The following B3GLCT variants were observed in gnomAD, a reference collection of about 807,000 sequenced individuals.
B3GLCT encodes the protein beta-1,3-glucosyltransferase.
A neutral mutation model predicts 63.4 loss-of-function variants in B3GLCT; 65 were observed. The observed-to-expected ratio is 1.03, with a 90% CI of 0.84 to 1.26. The LOEUF is 1.26. Ranked by LOEUF, B3GLCT falls within the 50% of genes most tolerant of loss-of-function variation. The pLI, the probability that B3GLCT is intolerant of heterozygous loss-of-function variation, is 0.00. For synonymous variants in B3GLCT, 233 were observed against 219.2 expected (o/e 1.06, Z -0.55); for missense variants, 577 against 604.8 (o/e 0.95, Z 0.48).
chr13:31,251,084 G>A (rs945711325), intron 6 of B3GLCT, among the ~76,000 whole-genome samples: 4 of 152,160 alleles, frequency 2.6e-5, no homozygotes, highest in African/African-American at 7.2e-5. Context: ...GATCTGGAAC[G>A]GATCTCCAGC....
chr13:31,236,076 C>G (rs752712799), intron 4 of B3GLCT, among the ~76,000 whole-genome samples: 2 of 152,194 alleles, frequency 1.3e-5, no homozygotes, highest in East Asian at 1.9e-4. Flanking sequence ...GTATGCACCC[C>G]CAAGGTGTAC....
chr13:31,211,469 T>C (rs1383875702), intron 1 of B3GLCT, among the ~76,000 whole-genome samples: 2 of 152,244 alleles, frequency 1.3e-5, no homozygotes, highest in Non-Finnish European at 2.9e-5. Context: ...CAACTGAAAG[T>C]AACTCTGATG....
Position 31,256,005 on chromosome 13 carries a change from G to A in B3GLCT, c.460-4941G>A, listed in dbSNP as rs187341277. On this transcript the variant is annotated intron_variant, in intron 6 of 14. Coordinates refer to ENST00000343307, the MANE Select transcript of B3GLCT (RefSeq NM_194318.4). Reference sequence around the variant, plus strand: ...AAGAAACTATCATCAGACCAAACATGCAACCTACAGAATGGGAGAAAATTT... The same window carrying A: ...AAGAAACTATCATCAGACCAAACATACAACCTACAGAATGGGAGAAAATTT... 2.2e-3 allele frequency among the ~76,000 whole-genome samples: 329 copies of A among 152,278 alleles called. 2 individuals are homozygous for A. The highest frequency in any genetic ancestry group is 7.6e-3 in the African/African-American group (315 of 41,566).
intron 4 of B3GLCT, among the ~76,000 whole-genome samples, chr13:31,235,092 G>A (rs1870581419): frequency 6.6e-6 from 1 of 152,068 alleles, no homozygotes. Flanking sequence ...CTGGCTGGGG[G>A]TGGCGTAGGG....
intron 12 of B3GLCT, among the ~76,000 whole-genome samples, chr13:31,296,611 G>C (rs1469399539): frequency 6.6e-6 from 1 of 152,102 alleles, no homozygotes; most frequent in East Asian, 1.9e-4. Context: ...ACAGCTACTA[G>C]TCTTCTCTTA....
intron 4 of B3GLCT, among the ~76,000 whole-genome samples, chr13:31,232,498 G>A (rs953280626): frequency 5.9e-5 from 9 of 152,174 alleles, no homozygotes; most frequent in African/African-American, 1.9e-4. Context: ...ACAGTACCAA[G>A]GGGGATGATG....
chr13:31,279,261 A>G (rs982530586), intron 10 of B3GLCT, among the ~76,000 whole-genome samples: 1 of 152,204 alleles, frequency 6.6e-6, no homozygotes, highest in East Asian at 1.9e-4. Flanking sequence ...TGCTATAGTC[A>G]AGCAGAATAC....
chr13:31,234,176 C>T (rs974176677), intron 4 of B3GLCT, among the ~76,000 whole-genome samples: 32 of 152,200 alleles, frequency 2.1e-4, no homozygotes, highest in African/African-American at 7.5e-4. Context: ...CGCCACCACA[C>T]CTGGCTAATT....
At chr13:31,286,676 T>C in intron 11 of B3GLCT, 44 bp from the exon 12 acceptor site, 2 of 1,223,576 alleles carry the variant, frequency 1.6e-6, no homozygotes, top group Non-Finnish European at 2.4e-6. Flanking sequence ...CTATATATTT[T>C]ATAAGAAATA....
intron 3 of B3GLCT, among the ~76,000 whole-genome samples, chr13:31,227,195 A>AT (rs1050550547): frequency 1.7e-4 from 26 of 151,876 alleles, no homozygotes; most frequent in African/African-American, 4.8e-4. Context: ...GTTGCTTCCC[A>AT]TTTTTTTCTT....
intron 1 of B3GLCT, among the ~76,000 whole-genome samples, chr13:31,205,869 C>CA (rs1377643294): frequency 2.0e-5 from 3 of 152,104 alleles, no homozygotes; most frequent in African/African-American, 7.2e-5. Flanking sequence ...AAAATAAAAA[C>CA]AAAAACAAGT....
At chr13:31,248,630 G>A (rs748637891) in intron 6 of B3GLCT, among the ~76,000 whole-genome samples, 5 of 152,168 alleles carry the variant, frequency 3.3e-5, no homozygotes, top group African/African-American at 1.2e-4. Flanking sequence ...GAGGGAACAC[G>A]ATTTGAGAAA....
intron 2 of B3GLCT, among the ~76,000 whole-genome samples, chr13:31,218,278 C>T (rs537463204): frequency 1.1e-3 from 170 of 151,572 alleles, no homozygotes; most frequent in African/African-American, 3.9e-3. Flanking sequence ...CAACCTCCGC[C>T]TCCTGGATTC....
intron 6 of B3GLCT, among the ~76,000 whole-genome samples, chr13:31,251,265 A>G (rs1248294729): frequency 6.6e-6 from 1 of 152,230 alleles, no homozygotes; most frequent in African/African-American, 2.4e-5. Flanking sequence ...GGGAGAAACT[A>G]GCACAAAACG....
Position 31,284,707 on chromosome 13 carries a change from T to C in B3GLCT, c.910T>C (p.Tyr304His), listed in dbSNP as rs1281195433. Reference sequence around the variant, plus strand: ...AAGTCTCATTGAATACTATAGTGACTATACTGAAAATTCCATTCCTACTGT... The same window carrying C: ...AAGTCTCATTGAATACTATAGTGACCATACTGAAAATTCCATTCCTACTGT... ...QASLIEYYSD[Y>H]TENSIPTVDL... Residue 304 changes from tyrosine (Y) to histidine (H), a missense_variant, in exon 11 of 15, where the codon TAT becomes CAT. Coordinates refer to ENST00000343307, the MANE Select transcript of B3GLCT (RefSeq NM_194318.4). 2 of 1,611,710 alleles carry C rather than the reference T, an allele frequency of 1.2e-6. No individual in the cohort carries two copies. Among genetic ancestry groups the C allele is most frequent in the Non-Finnish European group, 1.7e-6 (2 of 1,177,940 alleles).
At chr13:31,242,632 A>C (rs912606) in intron 4 of B3GLCT, among the ~76,000 whole-genome samples, 90,328 of 152,054 alleles carry the variant, frequency 0.59, 29,048 homozygotes, top group Middle Eastern at 0.76. Context: ...GCCAGGATTC[A>C]AAGGAATTTG....
At chr13:31,305,342 A>C (rs1188833049) in intron 12 of B3GLCT, among the ~76,000 whole-genome samples, 57 of 117,604 alleles carry the variant, frequency 4.8e-4, no homozygotes, top group African/African-American at 1.6e-3. Flanking sequence ...GCAGAATGGA[A>C]GGAAATAGAG....
Position 31,323,791 on chromosome 13 carries a change from A to T in B3GLCT, c.1225A>T (p.Ser409Cys). Reference protein sequence around the residue: ...SREAVRRLLASKCRCYSNDAP... With the variant: ...SREAVRRLLACKCRCYSNDAP... Reference sequence around the variant, plus strand: ...AGAAGCCGTCAGGAGACTTCTCGCCAGTAAATGTCGATGCTACAGCAATGA... The same window carrying T: ...AGAAGCCGTCAGGAGACTTCTCGCCTGTAAATGTCGATGCTACAGCAATGA... Residue 409 changes from serine to cysteine, a missense_variant, in exon 14 of 15, where the codon AGT becomes TGT. By Grantham distance (112) the Ser-to-Cys change is moderately radical (BLOSUM62 -1). Coordinates refer to ENST00000343307, the MANE Select transcript of B3GLCT (RefSeq NM_194318.4). 6.2e-7 allele frequency: 1 copy of T among 1,614,166 alleles called. No homozygotes were observed. Among genetic ancestry groups the T allele is most frequent in the South Asian group, 1.1e-5 (1 of 91,078 alleles).
chr13:31,262,306 AT>A (rs1222356858), intron 7 of B3GLCT, among the ~76,000 whole-genome samples: 1 of 152,168 alleles, frequency 6.6e-6, no homozygotes, highest in Non-Finnish European at 1.5e-5. Flanking sequence ...AGAGTGGATT[AT>A]TTTTGTTTGT....
Sources: gnomAD v4.1 joint callset for allele counts (sites outside exome capture counted in the v4.1 genomes callset) on GRCh38, gnomAD v4.1.1 for gene constraint, MANE v1.5 for transcripts, NCBI Gene and HGNC (gene_info 2026-07-23, HGNC 2026-07-21) for gene names.